Variants in EBF2 observed in about 807,000 individuals in gnomAD.
EBF2 encodes transcription factor COE2.
Under a neutral mutation model 72.8 loss-of-function variants are expected in EBF2, and 21 were observed. The ratio of observed to expected loss-of-function variants is 0.29; its 90% confidence interval spans 0.20 to 0.42. EBF2 has a LOEUF of 0.42. Among genes scored for constraint, EBF2 ranks in the 10% least tolerant of loss-of-function variants. EBF2 has a pLI of 1.00. For synonymous variants in EBF2, 299 were observed against 274.2 expected, an observed-to-expected ratio of 1.09 and a Z score of -0.89; for missense variants, 637 against 731.2, an observed-to-expected ratio of 0.87 and a Z score of 1.49.
intron 6 of EBF2, among the ~76,000 whole-genome samples, chr8:25,924,706 C>G (rs1481090173): frequency 1.3e-5 from 2 of 152,154 alleles, no homozygotes; most frequent in African/African-American, 4.8e-5. Flanking sequence ...AAAACAGGGC[C>G]AAATGGCTTT....
At chr8:26,043,833 T>C (rs1434346915) in intron 1 of EBF2, among the ~76,000 whole-genome samples, 1 of 152,098 alleles carries the variant, frequency 6.6e-6, no homozygotes, top group East Asian at 1.9e-4. Context: ...GACAAGGACC[T>C]GGAGGCCACA....
intron 6 of EBF2, among the ~76,000 whole-genome samples, chr8:25,913,714 T>G (rs1006879167): frequency 2.0e-5 from 3 of 152,142 alleles, no homozygotes; most frequent in Admixed American, 1.3e-4. Flanking sequence ...TGGTTCTCTT[T>G]CTCTGCCATG....
intron 6 of EBF2, among the ~76,000 whole-genome samples, chr8:25,949,714 T>C (rs1030498733): frequency 1.3e-5 from 2 of 151,964 alleles, no homozygotes; most frequent in African/African-American, 4.8e-5. Flanking sequence ...AAAATAGTAT[T>C]GAAAGTTGAG....
chr8:25,999,663 C>T (rs1217162530), intron 6 of EBF2, among the ~76,000 whole-genome samples: 2 of 150,484 alleles, frequency 1.3e-5, no homozygotes, highest in African/African-American at 4.9e-5. Flanking sequence ...TCTTTGCCTC[C>T]CATCTTCCCA....
At chr8:25,987,992 CAT>C (rs1804488579) in intron 6 of EBF2, among the ~76,000 whole-genome samples, 1 of 152,154 alleles carries the variant, frequency 6.6e-6, no homozygotes, top group African/African-American at 2.4e-5. Context: ...TTTTTCATAA[CAT>C]AGGTGCATTC....
intron 14 of EBF2, among the ~76,000 whole-genome samples, chr8:25,857,735 A>G (rs1056209694): frequency 1.3e-5 from 2 of 152,234 alleles, no homozygotes; most frequent in African/African-American, 4.8e-5. Context: ...ACATGATTGC[A>G]CACAGTCAAC....
intron 8 of EBF2, among the ~76,000 whole-genome samples, chr8:25,888,926 C>T (rs187126526): frequency 6.5e-4 from 99 of 152,268 alleles, no homozygotes; most frequent in Middle Eastern, 3.4e-3. Context: ...TTTTCTTCTC[C>T]CCTTTCAGTG....
At chr8:26,030,311 T>C (rs1025929904) in intron 6 of EBF2, among the ~76,000 whole-genome samples, 1 of 152,124 alleles carries the variant, frequency 6.6e-6, no homozygotes, top group African/African-American at 2.4e-5. Flanking sequence ...GTGTTTCGTT[T>C]TTTGTCCTTG....
At chr8:26,035,143 AT>A (rs11348637) in intron 5 of EBF2, among the ~76,000 whole-genome samples, 90,938 of 144,116 alleles carry the variant, frequency 0.63, 28,747 homozygotes, top group Middle Eastern at 0.7. Flanking sequence ...CAGTCTTAGA[AT>A]TTTTTTTTTT....
Position 25,842,355 on chromosome 8 carries a change from A to G in EBF2, c.*2254T>C, listed in dbSNP as rs1029769706. 7.2e-5 allele frequency: 11 copies of G among 152,216 alleles called. No homozygotes were observed. Among genetic ancestry groups the G allele is most frequent in the Non-Finnish European group, 1.3e-4 (9 of 68,040 alleles). 9.4% of individuals were successfully genotyped at this position (152,216 alleles called of 1,614,324 possible). Reference sequence around the variant, plus strand: ...TTTAGTTACACGCATTTTTCGGTGTAAAGCTACCAAGAAATTCTACAATCA... The same window carrying G: ...TTTAGTTACACGCATTTTTCGGTGTGAAGCTACCAAGAAATTCTACAATCA... On this transcript the variant is annotated 3_prime_UTR_variant, in exon 16 of 16. Coordinates refer to ENST00000520164, the MANE Select transcript of EBF2 (RefSeq NM_022659.4).
intron 10 of EBF2, among the ~76,000 whole-genome samples, chr8:25,866,633 A>ATT (rs1563381520): frequency 1.1e-5 from 1 of 90,296 alleles, no homozygotes; most frequent in Admixed American, 1.1e-4. Flanking sequence ...ATATATATAT[A>ATT]TATTTTTTTT....
intron 5 of EBF2, 71 bp downstream of exon 5, chr8:26,039,957 C>T (rs1311831490): frequency 5.8e-6 from 9 of 1,548,268 alleles, no homozygotes; most frequent in South Asian, 4.5e-5. Flanking sequence ...GTCCCGGGAA[C>T]GCGGCGCGCC....
intron 10 of EBF2, among the ~76,000 whole-genome samples, chr8:25,864,977 A>G (rs1391340650): frequency 4.6e-5 from 7 of 151,440 alleles, no homozygotes; most frequent in Non-Finnish European, 8.8e-5. Flanking sequence ...TTTTTTTTGC[A>G]TTTTTAGTAG....
chr8:26,001,413 C>T (rs933610233), intron 6 of EBF2, among the ~76,000 whole-genome samples: 2 of 152,222 alleles, frequency 1.3e-5, no homozygotes, highest in African/African-American at 4.8e-5. Context: ...TCTAGCTGAA[C>T]AGATATCTAC....
rs530438640 is a variant in EBF2, at chr8:25,855,646, C to T, written c.1528+2673G>A. Among the ~76,000 whole-genome samples, 89 of 152,230 alleles carry T rather than the reference C, an allele frequency of 5.8e-4. 1 individual carries two copies. Among genetic ancestry groups the T allele is most frequent in the African/African-American group, 1.9e-3 (78 of 41,548 alleles). The stretch of plus-strand genomic sequence containing the variant: ...ACTGAATTGACAAAATGTTTTCCCC[C>T]GGGCTTTTCTTTTTTTGTATTTCCC... On this transcript the variant is annotated intron_variant, in intron 14 of 15. Coordinates refer to ENST00000520164, the MANE Select transcript of EBF2 (RefSeq NM_022659.4).
In EBF2 at chr8:25,953,288, T is replaced by C. The variant is rs368239542; in HGVS notation, c.552-44733A>G. ...GCTGGATTGATCACCATGTCTTCAA[T>C]GGCTGGCACACAACAGACACTCAGT... is the stretch of plus-strand genomic sequence containing the variant. On this transcript the variant is annotated intron_variant, in intron 6 of 15. Transcript: ENST00000520164. Among the ~76,000 whole-genome samples, 618 of 152,358 alleles carry C rather than the reference T, an allele frequency of 4.1e-3. 3 individuals are homozygous for C. Among genetic ancestry groups the C allele is most frequent in the African/African-American group, 0.014 (597 of 41,588 alleles).
rs533179487 is a variant in EBF2 at position 25,879,055 on chromosome 8, T to A, written c.1009+7700A>T. On this transcript the variant is annotated intron_variant, in intron 10 of 15. Coordinates refer to ENST00000520164, the MANE Select transcript of EBF2 (RefSeq NM_022659.4). ...ATACAAGTAAGCAACATGAAAAAAATTTAAATAACAACAACACTGAGAAAC... is the reference window on the plus strand; with the variant it reads ...ATACAAGTAAGCAACATGAAAAAAAATTAAATAACAACAACACTGAGAAAC... Among the ~76,000 whole-genome samples the A allele has an allele frequency of 1.8e-3, 277 of 152,278 alleles. 1 individual carries two copies. The highest frequency in any genetic ancestry group is 6.4e-3 in the African/African-American group (268 of 41,558).
intron 6 of EBF2, among the ~76,000 whole-genome samples, chr8:25,967,630 A>G (rs1804134889): frequency 1.3e-5 from 2 of 152,226 alleles, no homozygotes; most frequent in African/African-American, 2.4e-5. Flanking sequence ...TCACTTTCAC[A>G]CCATTGTCAA....
chr8:25,877,014 G>C (rs1204010559), intron 10 of EBF2, among the ~76,000 whole-genome samples: 2 of 152,154 alleles, frequency 1.3e-5, no homozygotes, highest in Non-Finnish European at 2.9e-5. Context: ...GTGTAGTCCA[G>C]GTTCTGCAAA....
Sources: gnomAD v4.1 joint callset for allele counts (sites outside exome capture counted in the v4.1 genomes callset) on GRCh38, gnomAD v4.1.1 for gene constraint, MANE v1.5 for transcripts, NCBI Gene and HGNC (gene_info 2026-07-23, HGNC 2026-07-21) for gene names.